The following ZC3H6 variants were observed in gnomAD, a reference collection of about 807,000 sequenced individuals.
ZC3H6 encodes zinc finger CCCH domain-containing protein 6.
A neutral mutation model predicts 107.7 loss-of-function variants in ZC3H6; 40 were observed. The ratio of observed to expected loss-of-function variants is 0.37; its 90% CI spans 0.29 to 0.48. The LOEUF is 0.48. Ranked by LOEUF, ZC3H6 falls within the 20% of genes least tolerant of loss-of-function variation. The pLI is 0.98. For missense variants in ZC3H6, 1,267 were observed against 1,410.4 expected (o/e 0.90, Z 1.63); for synonymous variants, 493 against 487.9 (o/e 1.01, Z -0.14).
At position 112,312,846 on chromosome 2, in the gene ZC3H6, C is replaced by T. The variant is rs1188354855; in HGVS notation, c.747+909C>T. On this transcript the variant is annotated intron_variant, in intron 5 of 11. Transcript: ENST00000409871. Reference sequence around the variant, plus strand: ...CTACACTCCAGCCTGGGTGACAGAGCGAGACTCCATCTCAAAATAAAAAAA... The same window carrying T: ...CTACACTCCAGCCTGGGTGACAGAGTGAGACTCCATCTCAAAATAAAAAAA... Among the ~76,000 whole-genome samples, 4 of 141,502 alleles carry T rather than the reference C, an allele frequency of 2.8e-5. No homozygotes were observed. The South Asian group carries it at 6.8e-4, about 24-fold the overall frequency. 92.8% of individuals were successfully genotyped at this position (141,502 alleles called of 152,430 possible).
intron 1 of ZC3H6, among the ~76,000 whole-genome samples, chr2:112,281,806 CAG>C (rs543983679): frequency 1.6e-3 from 242 of 151,656 alleles, no homozygotes; most frequent in African/African-American, 5.5e-3. Context: ...GAGAAGAGCA[CAG>C]AAGTTTTTGG....
chr2:112,303,477 T>C (rs1676422772), intron 3 of ZC3H6, 126 bp downstream of exon 3: 12 of 644,312 alleles, frequency 1.9e-5, no homozygotes, highest in South Asian at 1.1e-4. Context: ...TCACCACTTA[T>C]CCATTTCTAG....
chr2:112,276,643 G>C (rs546925872), intron 1 of ZC3H6, among the ~76,000 whole-genome samples: 1 of 152,242 alleles, frequency 6.6e-6, no homozygotes, highest in South Asian at 2.1e-4. Context: ...AAACTCCATG[G>C]ATTATTCCGG....
chr2:112,332,105 G>A lies in ZC3H6; in HGVS notation c.3187G>A (p.Ala1063Thr), dbSNP rs769284467. 1.2e-6 allele frequency: 2 copies of A among 1,613,866 alleles called. No individual in the cohort carries two copies. The highest frequency in any genetic ancestry group is 1.3e-5 in the African/African-American group (1 of 74,928). ...CGGTTCATCATCCACATCAGAGCTAGCAACAGCTTCTTCAGGAGAAAACTC... is the reference window on the plus strand; with the variant it reads ...CGGTTCATCATCCACATCAGAGCTAACAACAGCTTCTTCAGGAGAAAACTC... ...DHGSSSTSEL[A>T]TASSGENSKN... The change falls in exon 12 of 12, where the codon GCA becomes ACA. Residue 1063 changes from alanine to threonine, a missense_variant. Coordinates refer to ENST00000409871, the MANE Select transcript of ZC3H6 (RefSeq NM_198581.3).
rs553634474 is a variant in ZC3H6, at chr2:112,316,531, T to A, written c.809T>A (p.Val270Glu). 6.2e-7 allele frequency: 1 copy of A among 1,610,752 alleles called. No individual in the cohort carries two copies. Among genetic ancestry groups the A allele is most frequent in the African/African-American group, 1.3e-5 (1 of 74,864 alleles). ...MTQEFINQHT[V>E]EHKGKQICKY... is the part of the protein sequence containing the mutation. ...CAGGAATTTATTAATCAGCACACAG[T>A]GGAACACAAAGGAAAACAAATCTGT... Residue 270 changes from valine (V) to glutamate (E), a missense_variant, in exon 6 of 12, where the codon GTG becomes GAG. Transcript: ENST00000409871.
Position 112,332,342 on chromosome 2 carries a change from A to T in ZC3H6, c.3424A>T (p.Arg1142Trp). 1 of 1,613,920 alleles carries T rather than the reference A, an allele frequency of 6.2e-7. No individual in the cohort carries two copies. Among genetic ancestry groups the T allele is most frequent in the South Asian group, 1.1e-5 (1 of 91,080 alleles). Reference protein sequence around the residue: ...LPVQALTGLIRPQYSDPRQAR... With the variant: ...LPVQALTGLIWPQYSDPRQAR... The stretch of plus-strand genomic sequence containing the variant: ...TGTTCAGGCATTAACAGGCTTAATT[A>T]GGCCACAGTACAGTGATCCAAGGCA... The change falls in exon 12 of 12, where the codon AGG becomes TGG. Residue 1142 changes from arginine to tryptophan, a missense_variant. Around this residue, in one of 3 missense-constraint regions of ZC3H6, gnomAD observed 925 missense variants for 1,025.7 expected, o/e 0.90. Transcript: ENST00000409871.
At position 112,331,669 on chromosome 2, in the gene ZC3H6, A is replaced by T. The variant is rs565501945; in HGVS notation, c.2751A>T (p.Thr917=). The T allele has an allele frequency of 2.2e-5, 35 of 1,613,854 alleles. No homozygotes were observed. The South Asian group carries it at 3.8e-4, about 18-fold the overall frequency. Residue 917 remains threonine (T), a synonymous_variant, in exon 12 of 12, where the codon ACA becomes ACT. Coordinates refer to ENST00000409871, the MANE Select transcript of ZC3H6 (RefSeq NM_198581.3). Reference sequence around the variant, plus strand: ...AGAGGCTAAATAGATTATGGAATACAAAAAGTGATCTTCATCAAAATACAG... The same window carrying T: ...AGAGGCTAAATAGATTATGGAATACTAAAAGTGATCTTCATCAAAATACAG... ...ADQRLNRLWN[T]KSDLHQNTVS...
At chr2:112,330,732 C>A (rs975025523) in intron 11 of ZC3H6, among the ~76,000 whole-genome samples, 1 of 152,156 alleles carries the variant, frequency 6.6e-6, no homozygotes, top group Non-Finnish European at 1.5e-5. Flanking sequence ...TCTAGTATCA[C>A]CCCACTTCCT....
chr2:112,338,853 GTGTATATATA>G lies in ZC3H6; in HGVS notation c.*6367_*6376del. 1 of 106,970 alleles carries G rather than the reference GTGTATATATA, an allele frequency of 9.3e-6. No homozygotes were observed. Among genetic ancestry groups the G allele is most frequent in the African/African-American group, 2.9e-5 (1 of 34,954 alleles). 6.6% of individuals were successfully genotyped at this position (106,970 alleles called of 1,614,324 possible). A position where few individuals can be genotyped will look rare whatever the true frequency, so the allele number is the denominator to read the frequency against. ...ACTATATATATATGTATGTATATGT[GTGTATATATA>G]TATATATATATATATATATATATAT... On this transcript the variant is annotated 3_prime_UTR_variant, in exon 12 of 12. Coordinates refer to ENST00000409871, the MANE Select transcript of ZC3H6 (RefSeq NM_198581.3).
intron 1 of ZC3H6, among the ~76,000 whole-genome samples, chr2:112,294,169 A>G (rs4539797): frequency 0.51 from 77,692 of 152,112 alleles, 22,036 homozygotes; most frequent in East Asian, 0.77. Context: ...ATTCTGCCAA[A>G]GCTTAGGTCA....
rs572283962 is a variant in ZC3H6 at position 112,327,703 on chromosome 2, G to T, written c.2086+2506G>T. On this transcript the variant is annotated intron_variant, in intron 11 of 11. Coordinates refer to ENST00000409871, the MANE Select transcript of ZC3H6 (RefSeq NM_198581.3). ...ATTTTTGTGTATGGTGAGAGATAGG[G>T]GTCTAGTTTTACTCTTCTGCATATG... Among the ~76,000 whole-genome samples, 5 of 152,106 alleles carry T rather than the reference G, an allele frequency of 3.3e-5. No individual in the cohort carries two copies. In the East Asian group the frequency reaches 9.7e-4, roughly 29 times the overall value.
chr2:112,331,424 G>C lies in ZC3H6; in HGVS notation c.2506G>C (p.Ala836Pro), dbSNP rs1677029702. The C allele has an allele frequency of 6.2e-7, 1 of 1,613,686 alleles. No homozygotes were observed. Among genetic ancestry groups the C allele is most frequent in the East Asian group, 2.2e-5 (1 of 44,888 alleles). ...TACAGAAAGAGAACTGAGAGAAAAA[G>C]CTTTCTTAATACCTTTGGATGCCTC... ...EDTERELREK[A>P]FLIPLDASPG... Residue 836 changes from alanine to proline, a missense_variant, in exon 12 of 12, where the codon GCT becomes CCT. Coordinates refer to ENST00000409871, the MANE Select transcript of ZC3H6 (RefSeq NM_198581.3).
intron 1 of ZC3H6, among the ~76,000 whole-genome samples, chr2:112,277,022 GT>G (rs11292424): frequency 0.51 from 77,385 of 151,858 alleles, 21,891 homozygotes; most frequent in East Asian, 0.77. Context: ...CTGTAGTAAT[GT>G]GATCGGCTTG....
chr2:112,332,386 G>T lies in ZC3H6; in HGVS notation c.3468G>T (p.Gln1156His), dbSNP rs1677053904. Residue 1156 changes from glutamine (Q) to histidine (H), a missense_variant, in exon 12 of 12, where the codon CAG becomes CAT. Gln to His is a conservative substitution (Grantham distance 24). Coordinates refer to ENST00000409871, the MANE Select transcript of ZC3H6 (RefSeq NM_198581.3). ...SDPRQARQPG[Q>H]GSPTPDNDPG... ...CAAGGCAGGCAAGGCAGCCAGGACA[G>T]GGGAGCCCGACCCCAGATAATGATC... is the stretch of plus-strand genomic sequence containing the variant. The T allele has an allele frequency of 6.2e-7, 1 of 1,613,760 alleles. No individual in the cohort carries two copies. The highest frequency in any genetic ancestry group is 2.2e-5 in the East Asian group (1 of 44,882).
Position 112,322,893 on chromosome 2 carries a change from T to G in ZC3H6, c.1331T>G (p.Ile444Ser), listed in dbSNP as rs1676831901. 6.3e-7 allele frequency: 1 copy of G among 1,577,236 alleles called. No homozygotes were observed. Among genetic ancestry groups the G allele is most frequent in the Admixed American group, 2.0e-5 (1 of 49,490 alleles). Reference protein sequence around the residue: ...VKPTVDLAHKIGRKPPAFYTS... With the variant: ...VKPTVDLAHKSGRKPPAFYTS... ...CCTACTGTGGATTTAGCGCATAAAA[T>G]TGGGAGGAAGTAAGTGAAAAACTTT... Residue 444 changes from isoleucine to serine, a missense_variant, in exon 9 of 12, where the codon ATT becomes AGT. Ile to Ser is a moderately radical substitution (Grantham distance 142, BLOSUM62 -2). Transcript: ENST00000409871.
chr2:112,313,400 A>G (rs547978018), intron 5 of ZC3H6, among the ~76,000 whole-genome samples: 1 of 152,288 alleles, frequency 6.6e-6, no homozygotes, highest in South Asian at 2.1e-4. Flanking sequence ...GCCTGCACCT[A>G]TACCCAGTTC....
rs187594191 is a variant in ZC3H6 at position 112,299,960 on chromosome 2, A to G, written c.144A>G (p.Lys48=). 6 of 1,510,492 alleles carry G rather than the reference A, an allele frequency of 4.0e-6. No homozygotes were observed. The Admixed American group carries it at 1.2e-4, about 29-fold the overall frequency. The allele number at this position is 1,510,492 out of a possible 1,614,324, so 93.6% of individuals were successfully genotyped here. A position where few individuals can be genotyped will look rare whatever the true frequency, so the allele number is the denominator to read the frequency against. ...AGAAAAGTGAGAAAGCCTACAGAAA[A>G]TCAAGAAAAAAACATAAGAAAGAGA... ...EKQKSEKAYR[K]SRKKHKKERE... Residue 48 remains lysine, a synonymous_variant, in exon 2 of 12, where the codon AAA becomes AAG. Transcript: ENST00000409871.
chr2:112,328,647 T>C (rs923727522), intron 11 of ZC3H6, among the ~76,000 whole-genome samples: 9 of 152,128 alleles, frequency 5.9e-5, no homozygotes, highest in African/African-American at 1.7e-4. Flanking sequence ...AGCATTTTAA[T>C]AGCAATCTTT....
rs749516844 is a variant in ZC3H6 at position 112,303,267 on chromosome 2, C to T, written c.252C>T (p.Ser84=). ...CTAGTGATGATAGTTCGGACTACAG[C>T]CTTGATTCAGATGTTGAACATACAG... ...SPSSDDSSDY[S]LDSDVEHTES... Residue 84 remains serine (S), a synonymous_variant, in exon 3 of 12, where the codon AGC becomes AGT. Coordinates refer to ENST00000409871, the MANE Select transcript of ZC3H6 (RefSeq NM_198581.3). The T allele has an allele frequency of 2.5e-6, 4 of 1,612,242 alleles. No homozygotes were observed. In the African/African-American group the frequency reaches 5.3e-5, roughly 22 times the overall value.
Sources: gnomAD v4.1 joint callset for allele counts (sites outside exome capture counted in the v4.1 genomes callset) on GRCh38, gnomAD v4.1.1 for gene constraint, gnomAD v4.1.1 regional missense constraint, MANE v1.5 for transcripts, NCBI Gene and HGNC (gene_info 2026-07-23, HGNC 2026-07-21) for gene names.